Variants in LAMC1 observed in about 807,000 individuals in gnomAD.
The protein encoded by LAMC1 is laminin subunit gamma 1, also known as laminin subunit gamma-1.
Under a neutral mutation model 173.6 loss-of-function variants are expected in LAMC1, and 38 were observed. That is an observed-to-expected ratio of 0.22 (90% CI 0.17 to 0.29). The LOEUF is 0.29. Among genes scored for constraint, LAMC1 ranks in the 10% least tolerant of loss-of-function variants. The pLI, the probability that LAMC1 is intolerant of heterozygous loss-of-function variation, is 1.00. For missense variants in LAMC1, 1,824 were observed against 2,051.8 expected, an observed-to-expected ratio of 0.89 and a Z score of 2.14; for synonymous variants, 746 against 749.1, an observed-to-expected ratio of 1.00 and a Z score of 0.07.
chr1:183,131,610 G>A (rs1186627758), intron 20 of LAMC1, among the ~76,000 whole-genome samples: 1 of 151,976 alleles, frequency 6.6e-6, no homozygotes, highest in African/African-American at 2.4e-5. Context: ...AGAATACAAT[G>A]GTTTGAAGAC....
intron 1 of LAMC1, among the ~76,000 whole-genome samples, chr1:183,079,134 C>T (rs1655194770): frequency 2.0e-5 from 3 of 150,494 alleles, no homozygotes; most frequent in African/African-American, 4.9e-5. Context: ...TACAGAAGGG[C>T]AGTTTGCCAT....
intron 1 of LAMC1, among the ~76,000 whole-genome samples, chr1:183,075,041 T>C (rs1558039845): frequency 6.6e-6 from 1 of 152,084 alleles, no homozygotes; most frequent in African/African-American, 2.4e-5. Context: ...GAAAGTATTT[T>C]CCAAGATAGA....
intron 1 of LAMC1, among the ~76,000 whole-genome samples, chr1:183,060,757 G>C (rs1287014501): frequency 1.3e-5 from 2 of 152,228 alleles, no homozygotes; most frequent in African/African-American, 4.8e-5. Context: ...ATGAATGGGT[G>C]AAAAGCAGAA....
At chr1:183,047,786 T>C (rs1330445704) in intron 1 of LAMC1, among the ~76,000 whole-genome samples, 1 of 152,244 alleles carries the variant, frequency 6.6e-6, no homozygotes, top group African/African-American at 2.4e-5. Context: ...GCCTAACTTT[T>C]GGATTTCTCA....
At chr1:183,051,436 GTAC>G (rs1322002668) in intron 1 of LAMC1, among the ~76,000 whole-genome samples, 1 of 152,198 alleles carries the variant, frequency 6.6e-6, no homozygotes, top group Non-Finnish European at 1.5e-5. Context: ...TGGCAGCTGA[GTAC>G]CACTGTGTGA....
At position 183,142,674 on chromosome 1, in the gene LAMC1, A is replaced by G. The variant is rs536440158; in HGVS notation, c.4714A>G (p.Ile1572Val). ...TGAAGCCAAGAAGCAGGAGGCTGCC[A>G]TCATGGACTATAACCGAGATATCGA... ...ENEAKKQEAA[I>V]MDYNRDIEEI... Residue 1572 changes from isoleucine to valine, a missense_variant, in exon 28 of 28, where the codon ATC (isoleucine) becomes GTC (valine). By Grantham distance (29) the Ile-to-Val change is conservative. Transcript: ENST00000258341. The G allele has an allele frequency of 1.5e-5, 24 of 1,614,144 alleles. No homozygotes were observed. In the African/African-American group the frequency reaches 2.4e-4, roughly 16 times the overall value.
chr1:183,093,682 A>G (rs1655621988), intron 1 of LAMC1, among the ~76,000 whole-genome samples: 1 of 152,040 alleles, frequency 6.6e-6, no homozygotes, highest in South Asian at 2.1e-4. Flanking sequence ...TGATATTTTC[A>G]CTTAGAGGTT....
intron 1 of LAMC1, among the ~76,000 whole-genome samples, chr1:183,080,490 GAT>G (rs769349712): frequency 5.4e-4 from 82 of 152,274 alleles, no homozygotes; most frequent in Non-Finnish European, 1.0e-3. Flanking sequence ...GTCTTCAGCG[GAT>G]CAGCCCCACT....
chr1:183,081,165 G>T (rs1655264434), intron 1 of LAMC1, among the ~76,000 whole-genome samples: 1 of 152,104 alleles, frequency 6.6e-6, no homozygotes, highest in African/African-American at 2.4e-5. Flanking sequence ...TGGGATTATA[G>T]GCGTCAGCCA....
intron 1 of LAMC1, among the ~76,000 whole-genome samples, chr1:183,048,148 A>T (rs960519120): frequency 6.6e-6 from 1 of 152,192 alleles, no homozygotes; most frequent in African/African-American, 2.4e-5. Context: ...TAGTAGCTGA[A>T]ATTTTGAAAT....
intron 1 of LAMC1, among the ~76,000 whole-genome samples, chr1:183,061,612 C>T (rs994517346): frequency 6.6e-6 from 1 of 151,978 alleles, no homozygotes; most frequent in Non-Finnish European, 1.5e-5. Flanking sequence ...TGAGATATTA[C>T]TGTAAGTTCT....
At chr1:183,107,152 A>G (rs723014) in intron 2 of LAMC1, among the ~76,000 whole-genome samples, 78,735 of 152,044 alleles carry the variant, frequency 0.52, 21,047 homozygotes, top group South Asian at 0.65. Flanking sequence ...TTGATAAGTT[A>G]TGGTTTCTTC....
intron 1 of LAMC1, among the ~76,000 whole-genome samples, chr1:183,064,442 A>G (rs889084689): frequency 2.6e-5 from 4 of 152,242 alleles, no homozygotes; most frequent in Admixed American, 1.3e-4. Flanking sequence ...TACTGGCTTC[A>G]ATATGCTTCT....
Position 183,024,095 on chromosome 1 carries a change from G to A in LAMC1, c.379G>A (p.Val127Met). 1.2e-6 allele frequency: 2 copies of A among 1,607,160 alleles called. No individual in the cohort carries two copies. The highest frequency in any genetic ancestry group is 8.5e-7 in the Non-Finnish European group (1 of 1,177,260). ...WWQSQTMLAGVQYPSSINLTL... is the reference protein window; with the variant it reads ...WWQSQTMLAGMQYPSSINLTL... ...GCAAAGCCAGACCATGCTGGCCGGG[G>A]TGCAGTACCCCAGCTCCATCAACCT... is the stretch of plus-strand genomic sequence containing the variant. The change falls in exon 1 of 28, where the codon GTG becomes ATG. Residue 127 changes from valine (V) to methionine (M), a missense_variant. Physicochemically the swap from Val to Met is conservative, Grantham distance 21. Transcript: ENST00000258341.
intron 1 of LAMC1, among the ~76,000 whole-genome samples, chr1:183,060,694 C>G (rs1254213858): frequency 6.6e-6 from 1 of 152,190 alleles, no homozygotes; most frequent in Non-Finnish European, 1.5e-5. Flanking sequence ...ATTCTTAGCA[C>G]TAAGTTGATG....
intron 2 of LAMC1, among the ~76,000 whole-genome samples, chr1:183,106,854 G>T (rs1477877722): frequency 6.6e-6 from 1 of 152,092 alleles, no homozygotes; most frequent in Non-Finnish European, 1.5e-5. Flanking sequence ...GGGAGGGTGA[G>T]TCCCTGTGCA....
rs897513858 is a variant in LAMC1, at chr1:183,130,405, T to C, written c.3342T>C (p.Ile1114=). Residue 1114 remains isoleucine (I), a synonymous_variant, in exon 19 of 28, where the codon ATT becomes ATC. Transcript: ENST00000258341. The part of the protein sequence containing the change: ...QRVNNTLSSQ[I]SRLQNIRNTI... ...TGAATAACACTCTGTCCAGCCAAAT[T>C]AGCCGTTTACAGAATATCCGGAATA... The C allele has an allele frequency of 3.7e-6, 6 of 1,614,114 alleles. No homozygotes were observed. The highest frequency in any genetic ancestry group is 8.5e-7 in the Non-Finnish European group (1 of 1,180,024).
chr1:183,086,693 A>G (rs1655437980), intron 1 of LAMC1, among the ~76,000 whole-genome samples: 1 of 152,242 alleles, frequency 6.6e-6, no homozygotes, highest in South Asian at 2.1e-4. Context: ...ATTTTAACAC[A>G]AACTTACCTG....
At chr1:183,031,691 G>A (rs1653853892) in intron 1 of LAMC1, among the ~76,000 whole-genome samples, 2 of 152,150 alleles carry the variant, frequency 1.3e-5, no homozygotes, top group South Asian at 4.1e-4. Context: ...AGGTGTTAAA[G>A]TTTAGAGCAG....
Sources: gnomAD v4.1 joint callset for allele counts (sites outside exome capture counted in the v4.1 genomes callset) on GRCh38, gnomAD v4.1.1 for gene constraint, MANE v1.5 for transcripts, NCBI Gene and HGNC (gene_info 2026-07-23, HGNC 2026-07-21) for gene names.